Variants in ETS1 observed in about 807,000 individuals in gnomAD.
The protein encoded by ETS1 is protein C-ets-1.
In ETS1, 15 loss-of-function variants were observed where a neutral mutation model predicts 58.6. The observed-to-expected ratio is 0.26, with a 90% confidence interval of 0.17 to 0.39. The LOEUF (loss-of-function observed/expected upper bound fraction) is 0.39, where lower values mean the gene tolerates loss of function less well. Among genes scored for constraint, ETS1 ranks in the 10% least tolerant of loss-of-function variants. ETS1 has a pLI of 1.00. For missense variants in ETS1, 417 were observed against 610.5 expected (o/e 0.68, Z 3.34); for synonymous variants, 214 against 218.2 (o/e 0.98, Z 0.17).
At chr11:128,495,301 CA>C (rs1271156265) in intron 3 of ETS1, among the ~76,000 whole-genome samples, 1 of 151,742 alleles carries the variant, frequency 6.6e-6, no homozygotes, top group Non-Finnish European at 1.5e-5. Flanking sequence ...TAACATTTTT[CA>C]GAGCTGAGAA....
At chr11:128,540,086 C>T (rs550999046) in intron 3 of ETS1, among the ~76,000 whole-genome samples, 6 of 152,060 alleles carry the variant, frequency 3.9e-5, no homozygotes, top group African/African-American at 1.4e-4. Flanking sequence ...CCAAGGCGGG[C>T]GGATCACCTG....
intron 3 of ETS1, among the ~76,000 whole-genome samples, chr11:128,550,192 G>A (rs1382734687): frequency 1.3e-5 from 2 of 152,200 alleles, no homozygotes; most frequent in Non-Finnish European, 2.9e-5. Flanking sequence ...GGCATAGGCT[G>A]GCTCTTCCCA....
At chr11:128,564,979 C>A (rs1261238210) in intron 2 of ETS1, among the ~76,000 whole-genome samples, 1 of 150,356 alleles carries the variant, frequency 6.7e-6, no homozygotes, top group East Asian at 1.9e-4. Flanking sequence ...ACAAGGCATA[C>A]AAATACATGA....
chr11:128,584,311 T>G (rs1182928980), intron 1 of ETS1, among the ~76,000 whole-genome samples: 1 of 152,216 alleles, frequency 6.6e-6, no homozygotes, highest in African/African-American at 2.4e-5. Context: ...ATCCTAAATT[T>G]GTGTAAATGT....
At chr11:128,504,123 T>G (rs1863163807) in intron 3 of ETS1, among the ~76,000 whole-genome samples, 1 of 152,312 alleles carries the variant, frequency 6.6e-6, no homozygotes, top group South Asian at 2.1e-4. Flanking sequence ...CCTAGAGAGA[T>G]AAGCTTTGAA....
intron 3 of ETS1, among the ~76,000 whole-genome samples, chr11:128,554,136 G>A (rs1361984778): frequency 5.9e-5 from 9 of 152,090 alleles, no homozygotes; most frequent in African/African-American, 1.2e-4. Context: ...CAACTCCTTC[G>A]TCTGGGAAGC....
At chr11:128,552,702 G>A (rs1015146581) in intron 3 of ETS1, among the ~76,000 whole-genome samples, 2 of 120,928 alleles carry the variant, frequency 1.7e-5, no homozygotes, top group Non-Finnish European at 1.6e-5. Flanking sequence ...AATATGGACC[G>A]CTGGCATTGA....
chr11:128,473,454 T>C (rs1056335759), intron 8 of ETS1, among the ~76,000 whole-genome samples: 2 of 152,236 alleles, frequency 1.3e-5, no homozygotes, highest in Non-Finnish European at 2.9e-5. Context: ...AAACTATTAT[T>C]ACTGCCATTT....
chr11:128,528,568 T>C (rs538069300), intron 3 of ETS1, among the ~76,000 whole-genome samples: 90 of 152,258 alleles, frequency 5.9e-4, no homozygotes, highest in Non-Finnish European at 1.1e-3. Context: ...GCAACTGAGG[T>C]TCAGTCATTA....
intron 3 of ETS1, among the ~76,000 whole-genome samples, chr11:128,506,578 G>A (rs918889064): frequency 2.0e-5 from 3 of 152,204 alleles, no homozygotes; most frequent in Non-Finnish European, 2.9e-5. Context: ...TGTCCTGGGT[G>A]TAGGGCGTGA....
intron 3 of ETS1, among the ~76,000 whole-genome samples, chr11:128,513,312 G>C (rs944767805): frequency 6.6e-6 from 1 of 152,180 alleles, no homozygotes; most frequent in South Asian, 2.1e-4. Flanking sequence ...TCACTGTTAG[G>C]AGAAATCTGA....
rs564883865 is a variant in ETS1 at position 128,501,402 on chromosome 11, T to A, written c.215-10826A>T. On this transcript the variant is annotated intron_variant, in intron 3 of 9. Coordinates refer to ENST00000392668, the MANE Select transcript of ETS1 (RefSeq NM_001143820.2). Reference sequence around the variant, plus strand: ...GCCAGGACCTCTCCATAGAAAGTGATACTGAACCAGTTCTGTACCTATTGA... The same window carrying A: ...GCCAGGACCTCTCCATAGAAAGTGAAACTGAACCAGTTCTGTACCTATTGA... Among the ~76,000 whole-genome samples, 13 of 152,362 alleles carry A rather than the reference T, an allele frequency of 8.5e-5. No homozygotes were observed. In the South Asian group the frequency reaches 2.7e-3, roughly 32 times the overall value.
Position 128,548,094 on chromosome 11 carries a change from G to A in ETS1, c.214+8197C>T, listed in dbSNP as rs183120775. Among the ~76,000 whole-genome samples the A allele has an allele frequency of 8.9e-3, 470 of 52,800 alleles. 3 individuals carry two copies. Among genetic ancestry groups the A allele is most frequent in the African/African-American group, 0.058 (448 of 7,688 alleles). 34.6% of individuals were successfully genotyped at this position (52,800 alleles called of 152,430 possible). On this transcript the variant is annotated intron_variant, in intron 3 of 9. Coordinates refer to ENST00000392668, the MANE Select transcript of ETS1 (RefSeq NM_001143820.2). ...AGAGAGAAAGAAAAAAAGAAAGAGC[G>A]AGGAAGGAAAGGAAAGGGAAGGAAA...
intron 8 of ETS1, among the ~76,000 whole-genome samples, chr11:128,474,469 T>A (rs1157382969): frequency 6.6e-6 from 1 of 151,924 alleles, no homozygotes; most frequent in Non-Finnish European, 1.5e-5. Flanking sequence ...TTAAGAAAAA[T>A]TCATACAAAA....
intron 3 of ETS1, among the ~76,000 whole-genome samples, chr11:128,534,407 A>T (rs561871463): frequency 1.2e-4 from 18 of 152,188 alleles, no homozygotes; most frequent in African/African-American, 1.9e-4. Flanking sequence ...AAACAAGAAA[A>T]TTTTTTCCTT....
At chr11:128,472,521 C>T (rs1392012794) in intron 8 of ETS1, among the ~76,000 whole-genome samples, 1 of 152,206 alleles carries the variant, frequency 6.6e-6, no homozygotes, top group East Asian at 1.9e-4. Flanking sequence ...GCCATGTTTA[C>T]AGCTCAGGTC....
At chr11:128,509,154 G>A (rs1379490803) in intron 3 of ETS1, among the ~76,000 whole-genome samples, 1 of 152,176 alleles carries the variant, frequency 6.6e-6, no homozygotes, top group Non-Finnish European at 1.5e-5. Context: ...TTACAGAAGA[G>A]GATGGGTGGA....
At chr11:128,551,946 C>G (rs1397263908) in intron 3 of ETS1, among the ~76,000 whole-genome samples, 3 of 152,140 alleles carry the variant, frequency 2.0e-5, no homozygotes, top group African/African-American at 7.2e-5. Flanking sequence ...GAGCCTTAGC[C>G]TAGAATCACT....
chr11:128,466,313 C>T (rs184020524), intron 8 of ETS1, among the ~76,000 whole-genome samples: 43 of 152,286 alleles, frequency 2.8e-4, no homozygotes, highest in African/African-American at 1.0e-3. Context: ...GACACCAAGC[C>T]GAGGAAAGGG....
Sources: gnomAD v4.1 joint callset for allele counts (sites outside exome capture counted in the v4.1 genomes callset) on GRCh38, gnomAD v4.1.1 for gene constraint, MANE v1.5 for transcripts, NCBI Gene and HGNC (gene_info 2026-07-23, HGNC 2026-07-21) for gene names.